PSMG2: variants seen among roughly 807,000 people sequenced by gnomAD.
PSMG2 encodes CD40 ligand-activated specific transcript 3.
PSMG2 carries 21 observed loss-of-function variants against 31.5 expected under a neutral mutation model. That is an observed-to-expected ratio of 0.67 (90% CI 0.47 to 0.96). The LOEUF (loss-of-function observed/expected upper bound fraction) is 0.96. Ranked by LOEUF, PSMG2 falls within the 40% of genes least tolerant of loss-of-function variation. PSMG2 has a pLI of 0.00. For missense variants in PSMG2, 318 were observed against 321.2 expected (o/e 0.99, Z 0.08); for synonymous variants, 120 against 110.4 (o/e 1.09, Z -0.54).
chr18:12,702,710 G>A (rs1381436449), upstream of PSMG2: 6 of 742,312 alleles, frequency 8.1e-6, no homozygotes, highest in East Asian at 6.1e-5. Flanking sequence ...CAGGCCGGGG[G>A]CTGACCTGGA....
intron 4 of PSMG2, 62 bp downstream of exon 4, chr18:12,718,697 T>C (rs2040401473): frequency 2.4e-6 from 3 of 1,264,702 alleles, no homozygotes; most frequent in Non-Finnish European, 2.2e-6. Flanking sequence ...ATTTCTCTAT[T>C]AAAAAGTTAA....
intron 1 of PSMG2, among the ~76,000 whole-genome samples, chr18:12,683,350 C>G (rs945738402): frequency 6.7e-6 from 1 of 150,084 alleles, no homozygotes; most frequent in African/African-American, 2.5e-5. Flanking sequence ...AGACCCCGTC[C>G]TAAACAAAAA....
intron 1 of PSMG2, among the ~76,000 whole-genome samples, chr18:12,682,493 A>G (rs1432439067): frequency 1.3e-5 from 2 of 151,646 alleles, no homozygotes; most frequent in Non-Finnish European, 2.9e-5. Flanking sequence ...CTGGCCAAGA[A>G]ATTTCTTTCT....
chr18:12,705,706 C>T (rs1355061723), intron 1 of PSMG2, among the ~76,000 whole-genome samples: 2 of 151,960 alleles, frequency 1.3e-5, no homozygotes, highest in Non-Finnish European at 1.5e-5. Context: ...TACCTCGAAG[C>T]CTTTACACTT....
At chr18:12,722,329 G>A (rs1475964685) in intron 5 of PSMG2, among the ~76,000 whole-genome samples, 2 of 152,134 alleles carry the variant, frequency 1.3e-5, no homozygotes, top group Non-Finnish European at 2.9e-5. Context: ...CAGTTGCCTG[G>A]CTTTCTGCTT....
At chr18:12,703,221 A>C (rs1598675620) in intron 1 of PSMG2, 57 bp downstream of exon 1, 3 of 1,535,184 alleles carry the variant, frequency 2.0e-6, no homozygotes, top group Non-Finnish European at 2.6e-6. Context: ...CGGTGTCGCC[A>C]CCCCGACGCG....
intron 1 of PSMG2, among the ~76,000 whole-genome samples, chr18:12,664,112 CCGAGA>C (rs2038755696): frequency 2.0e-5 from 3 of 152,004 alleles, no homozygotes; most frequent in Admixed American, 1.3e-4. Context: ...TTGCGGTGAG[CCGAGA>C]TCGTGCCATT....
rs530332955 is a variant in PSMG2, at chr18:12,669,545, A to C, written c.-37+10772A>C. ...TTTCTGATATTTTTCTATTAACTAA[A>C]TAGACATATATAAAACTACATATAT... is the stretch of plus-strand genomic sequence containing the variant. On this transcript the variant is annotated intron_variant, in intron 1 of 6. Transcript: ENST00000585331. Among the ~76,000 whole-genome samples, 6 of 152,262 alleles carry C rather than the reference A, an allele frequency of 3.9e-5. 1 individual carries two copies. In the South Asian group the frequency reaches 1.0e-3, roughly 26 times the overall value.
chr18:12,725,223 C>G (rs113712490), intron 6 of PSMG2, among the ~76,000 whole-genome samples: 2 of 152,138 alleles, frequency 1.3e-5, no homozygotes, highest in African/African-American at 4.8e-5. Context: ...TAAACTTCAT[C>G]TACAGCCTTT....
chr18:12,689,109 CACA>C (rs371389005), intron 1 of PSMG2, among the ~76,000 whole-genome samples: 11 of 152,190 alleles, frequency 7.2e-5, no homozygotes, highest in African/African-American at 2.2e-4. Context: ...GACTCTGTCT[CACA>C]ACAACAACAA....
intron 5 of PSMG2, chr18:12,724,078 T>C (rs1336414272): frequency 6.3e-6 from 1 of 157,954 alleles, no homozygotes; most frequent in Non-Finnish European, 1.4e-5. Flanking sequence ...TAGGAACTTT[T>C]ATTTCCTTTA....
At chr18:12,680,663 T>G in intron 1 of PSMG2, 1 of 1,600,394 alleles carries the variant, frequency 6.2e-7, no homozygotes. Flanking sequence ...TAAACTAACC[T>G]GTGTCCTGTT....
rs111576815 is a variant in PSMG2, at chr18:12,706,443, C to A, written c.58-107C>A. 3,925 of 1,181,058 alleles carry A rather than the reference C, an allele frequency of 3.3e-3. 109 individuals carry two copies. The African/African-American group carries it at 0.053, about 16-fold the overall frequency. The allele number at this position is 1,181,058 out of a possible 1,614,324, so 73.2% of individuals were successfully genotyped here. A position where few individuals can be genotyped will look rare whatever the true frequency, so the allele number is the denominator to read the frequency against. On this transcript the variant is annotated intron_variant, in intron 1 of 6. Coordinates refer to ENST00000317615, the MANE Select transcript of PSMG2 (RefSeq NM_020232.5). Reference sequence around the variant, plus strand: ...CAGAGGCTGCAGTGAGCCAAGATCACGCCACTGTACTCCAGCCTGGGAGAC... The same window carrying A: ...CAGAGGCTGCAGTGAGCCAAGATCAAGCCACTGTACTCCAGCCTGGGAGAC...
intron 1 of PSMG2, among the ~76,000 whole-genome samples, chr18:12,689,694 C>T (rs921085041): frequency 2.0e-5 from 3 of 152,116 alleles, no homozygotes; most frequent in African/African-American, 7.2e-5. Context: ...CATCCTGAGT[C>T]CTCTCTAGTT....
rs2040218214 is a variant in PSMG2, at chr18:12,703,256, A to C, written c.57+92A>C. The stretch of plus-strand genomic sequence containing the variant: ...GGGGTGTTTGGCGGTGCCTTGGGAG[A>C]AATAGGGCACTAGTTTCTATTTCAT... On this transcript the variant is annotated intron_variant, in intron 1 of 6. Transcript: ENST00000317615. 2.3e-6 allele frequency: 3 copies of C among 1,330,294 alleles called. No individual in the cohort carries two copies. The South Asian group carries it at 4.1e-5, about 18-fold the overall frequency. The allele number at this position is 1,330,294 out of a possible 1,614,324, so 82.4% of individuals were successfully genotyped here. A position where few individuals can be genotyped will look rare whatever the true frequency, so the allele number is the denominator to read the frequency against.
At chr18:12,704,826 C>T (rs966630428) in intron 1 of PSMG2, among the ~76,000 whole-genome samples, 1 of 151,986 alleles carries the variant, frequency 6.6e-6, no homozygotes, top group Non-Finnish European at 1.5e-5. Context: ...GTAGCAAAAT[C>T]GTTGAGAAGG....
intron 1 of PSMG2, among the ~76,000 whole-genome samples, chr18:12,690,649 G>T (rs1235024423): frequency 6.6e-6 from 1 of 152,014 alleles, no homozygotes; most frequent in African/African-American, 2.4e-5. Context: ...TAGAAACGGG[G>T]TTTCACCGTG....
rs1216136096 is a variant in PSMG2 at position 12,686,597 on chromosome 18, G to T, written c.-36-19953G>T. The T allele has an allele frequency of 6.9e-6, 4 of 580,146 alleles. No homozygotes were observed. In the East Asian group the frequency reaches 1.2e-4, roughly 18 times the overall value. 35.9% of individuals were successfully genotyped at this position (580,146 alleles called of 1,614,324 possible). Reference sequence around the variant, plus strand: ...ATCCAGTATTTGGCTGCAAAGTGCTGTGTATATAATTTCCCTTAATCCTCA... The same window carrying T: ...ATCCAGTATTTGGCTGCAAAGTGCTTTGTATATAATTTCCCTTAATCCTCA... On this transcript the variant is annotated intron_variant, in intron 1 of 6. Coordinates refer to the PSMG2 transcript ENST00000585331.
upstream of PSMG2, chr18:12,698,849 G>T: frequency 1.5e-6 from 1 of 650,616 alleles, no homozygotes; most frequent in Non-Finnish European, 2.7e-6. Context: ...ATTGAAAAGA[G>T]CAGTGGGAAA....
Sources: allele counts gnomAD v4.1 joint callset (sites outside exome capture counted in the v4.1 genomes callset), GRCh38; gene constraint gnomAD v4.1.1; transcripts MANE v1.5; gene names NCBI Gene and HGNC (gene_info 2026-07-23, HGNC 2026-07-21).